PSMG2: variants seen among roughly 807,000 people sequenced by gnomAD.
PSMG2 encodes the protein CD40 ligand-activated specific transcript 3.
A neutral mutation model predicts 31.5 loss-of-function variants in PSMG2; 21 were observed. That is an observed-to-expected ratio of 0.67 (90% CI 0.47 to 0.96). The LOEUF (loss-of-function observed/expected upper bound fraction) is 0.96, where lower values mean the gene tolerates loss of function less well. Ranked by LOEUF, PSMG2 falls within the 40% of genes least tolerant of loss-of-function variation. The probability of loss-of-function intolerance (pLI) is 0.00; values close to 1 mark genes in which losing one functional copy is unlikely to be tolerated. For synonymous variants in PSMG2, 120 were observed against 110.4 expected (o/e 1.09, Z -0.54); for missense variants, 318 against 321.2 (o/e 0.99, Z 0.08).
At chr18:12,667,291 C>A (rs745720716) in intron 1 of PSMG2, among the ~76,000 whole-genome samples, 4 of 151,940 alleles carry the variant, frequency 2.6e-5, no homozygotes, top group African/African-American at 7.3e-5. Flanking sequence ...CTTGTCTCTA[C>A]AAAAAAATTT....
At chr18:12,662,149 G>A (rs1129214) in intron 1 of PSMG2, 163,894 of 446,714 alleles carry the variant, frequency 0.37, 31,846 homozygotes, top group Non-Finnish European at 0.43. Flanking sequence ...CTGGACAAGT[G>A]CTCCTAAGAG....
chr18:12,678,470 G>A lies in PSMG2; in HGVS notation c.-37+19697G>A. On this transcript the variant is annotated intron_variant, in intron 1 of 6. Transcript: ENST00000585331. ...AAAAAAATTAAATAATTTTATATATGAGAACTTAAAAATTAAAAAGGCAGC... is the reference window on the plus strand; with the variant it reads ...AAAAAAATTAAATAATTTTATATATAAGAACTTAAAAATTAAAAAGGCAGC... The A allele has an allele frequency of 3.4e-6, 5 of 1,463,308 alleles. No homozygotes were observed. The Admixed American group carries it at 8.3e-5, about 24-fold the overall frequency. 90.6% of individuals were successfully genotyped at this position (1,463,308 alleles called of 1,614,324 possible).
intron 1 of PSMG2, among the ~76,000 whole-genome samples, chr18:12,697,708 T>C (rs981941900): frequency 6.6e-6 from 1 of 152,180 alleles, no homozygotes; most frequent in African/African-American, 2.4e-5. Flanking sequence ...TATATGCTAC[T>C]ACAATAAAAA....
At chr18:12,699,964 A>G (rs2040095739), upstream of PSMG2, 1 of 1,172,754 alleles carries the variant, frequency 8.5e-7, no homozygotes. Flanking sequence ...GGTTAAGGAA[A>G]TGTCAATAAA....
At chr18:12,673,424 G>T in intron 1 of PSMG2, 1 of 1,604,858 alleles carries the variant, frequency 6.2e-7, no homozygotes, top group Non-Finnish European at 8.5e-7. Context: ...GCAGATTCAG[G>T]GTAAGTAAAT....
chr18:12,706,820 T>G, intron 2 of PSMG2, 99 bp downstream of exon 2: 1 of 1,267,514 alleles, frequency 7.9e-7, no homozygotes, highest in East Asian at 2.5e-5. Context: ...AAATGTTTAC[T>G]TAGTGCCAAC....
chr18:12,684,001 TATATCATATATATG>T (rs1283344824), intron 1 of PSMG2, among the ~76,000 whole-genome samples: 3 of 150,150 alleles, frequency 2.0e-5, no homozygotes, highest in Non-Finnish European at 4.4e-5. Flanking sequence ...ATATATGATA[TATATCATATATATG>T]ATATCATATA....
chr18:12,711,271 C>CA (rs537713319), intron 2 of PSMG2, among the ~76,000 whole-genome samples: 10 of 149,862 alleles, frequency 6.7e-5, no homozygotes, highest in East Asian at 3.9e-4. Context: ...GACTCTGTCT[C>CA]AAAAAAAAAG....
At chr18:12,669,032 CTTTTTTTTTT>C (rs71174122) in intron 1 of PSMG2, among the ~76,000 whole-genome samples, 29 of 41,958 alleles carry the variant, frequency 6.9e-4, no homozygotes, top group East Asian at 4.3e-3. Context: ...ACCCCCCGCA[CTTTTTTTTTT>C]TTTTTTTTTT....
intron 1 of PSMG2, among the ~76,000 whole-genome samples, chr18:12,659,090 ATTAAT>A (rs1301097771): frequency 6.6e-6 from 1 of 152,226 alleles, no homozygotes; most frequent in Admixed American, 6.5e-5. Context: ...CCATTGGTAG[ATTAAT>A]TTAATCGATA....
At chr18:12,719,694 G>A (rs1598687149) in intron 4 of PSMG2, among the ~76,000 whole-genome samples, 1 of 143,930 alleles carries the variant, frequency 6.9e-6, no homozygotes, top group Admixed American at 6.9e-5. Flanking sequence ...TCCCCAGGAT[G>A]TAGCTTTTTT....
At chr18:12,724,643 C>A (rs767821409) in intron 6 of PSMG2, 24 bp downstream of exon 6, 2 of 1,564,252 alleles carry the variant, frequency 1.3e-6, no homozygotes, top group Non-Finnish European at 1.7e-6. Context: ...TAGCTTAAGC[C>A]TCTTCTTTGT....
At chr18:12,696,998 A>G (rs1037304493) in intron 1 of PSMG2, among the ~76,000 whole-genome samples, 1 of 152,186 alleles carries the variant, frequency 6.6e-6, no homozygotes, top group African/African-American at 2.4e-5. Flanking sequence ...CCAGAAAAAA[A>G]CATTTCTCCT....
rs761727273 is a variant in PSMG2 at position 12,720,560 on chromosome 18, A to G, written c.458A>G (p.Asn153Ser). The G allele has an allele frequency of 4.3e-6, 7 of 1,612,794 alleles. No homozygotes were observed. The highest frequency in any genetic ancestry group is 3.3e-5 in the South Asian group (3 of 90,908). ...CCTTCCATGCAAAAAAGTGTTCAAA[A>G]TAAAATAAAGAGCCTTAACTGGGAA... ...LTPSMQKSVQ[N>S]KIKSLNWEEM... The change falls in exon 5 of 7, where the codon AAT (asparagine) becomes AGT (serine). Residue 153 changes from asparagine (N) to serine (S), a missense_variant. Asn to Ser is a conservative substitution (Grantham distance 46). Coordinates refer to ENST00000317615, the MANE Select transcript of PSMG2 (RefSeq NM_020232.5).
At chr18:12,703,980 G>A (rs2040232569) in intron 1 of PSMG2, among the ~76,000 whole-genome samples, 2 of 152,132 alleles carry the variant, frequency 1.3e-5, no homozygotes, top group Non-Finnish European at 2.9e-5. Flanking sequence ...AACCCAGAAG[G>A]CACCATTGGA....
intron 1 of PSMG2, chr18:12,672,975 T>G: frequency 1.0e-6 from 1 of 987,484 alleles, no homozygotes; most frequent in Non-Finnish European, 1.2e-6. Context: ...TCCATTAACC[T>G]GTGAAAAGTA....
intron 5 of PSMG2, among the ~76,000 whole-genome samples, chr18:12,723,673 T>G (rs1268429868): frequency 1.3e-5 from 2 of 152,222 alleles, no homozygotes; most frequent in African/African-American, 2.4e-5. Flanking sequence ...ATTACAGGCT[T>G]GAGCCAGCGC....
At chr18:12,688,612 G>A (rs1395496411) in intron 1 of PSMG2, among the ~76,000 whole-genome samples, 3 of 152,092 alleles carry the variant, frequency 2.0e-5, no homozygotes. Flanking sequence ...ATCCCCACAA[G>A]CTACTTAACT....
chr18:12,698,941 T>C (rs2040055467), upstream of PSMG2: 2 of 1,368,572 alleles, frequency 1.5e-6, no homozygotes, highest in African/African-American at 1.5e-5. Flanking sequence ...ATAACAAAGA[T>C]TTACTCAATT....
Sources: gnomAD v4.1 joint callset for allele counts (sites outside exome capture counted in the v4.1 genomes callset) on GRCh38, gnomAD v4.1.1 for gene constraint, MANE v1.5 for transcripts, NCBI Gene and HGNC (gene_info 2026-07-23, HGNC 2026-07-21) for gene names.